Variants in CLK1 observed in about 807,000 individuals in gnomAD.
The protein encoded by CLK1 is CDC like kinase 1.
CLK1 carries 40 observed loss-of-function variants against 60.9 expected under a neutral mutation model. The ratio of observed to expected loss-of-function variants is 0.66; its 90% CI spans 0.51 to 0.86. CLK1 has a LOEUF of 0.86. Among genes scored for constraint, CLK1 ranks in the 40% least tolerant of loss-of-function variants. The pLI is 0.00. For synonymous variants in CLK1, 203 were observed against 184.4 expected (o/e 1.10, Z -0.82); for missense variants, 563 against 606.1 (o/e 0.93, Z 0.75).
intron 11 of CLK1, 122 bp from the exon 12 acceptor site, chr2:200,854,115 A>G: frequency 1.7e-6 from 1 of 605,718 alleles, no homozygotes; most frequent in South Asian, 2.1e-5. Flanking sequence ...CAGCCATGGG[A>G]TAGAAATGTT....
In CLK1 at chr2:200,856,784, G is replaced by A. The variant is rs568656038; in HGVS notation, c.955C>T (p.Pro319Ser). 6.2e-7 allele frequency: 1 copy of A among 1,613,596 alleles called. No homozygotes were observed. The highest frequency in any genetic ancestry group is 1.3e-5 in the African/African-American group (1 of 74,964). ...CCAAAGTCTACAACTTTAATATCTG[G>A]ATTTATTAAGGTGCGTTCATCACGT... The part of the protein sequence containing the change: ...IKRDERTLIN[P>S]DIKVVDFGSA... Residue 319 changes from proline to serine, a missense_variant, in exon 9 of 13, where the codon CCA becomes TCA. Coordinates refer to ENST00000321356, the MANE Select transcript of CLK1 (RefSeq NM_004071.4).
At chr2:200,861,614 T>C in intron 2 of CLK1, 88 bp downstream of exon 2, 1 of 1,562,616 alleles carries the variant, frequency 6.4e-7, no homozygotes, top group Admixed American at 1.9e-5. Flanking sequence ...AACAAACGAA[T>C]GGTAGTAATC....
chr2:200,858,377 G>A (rs972354829), intron 5 of CLK1, among the ~76,000 whole-genome samples: 3 of 152,192 alleles, frequency 2.0e-5, no homozygotes, highest in Non-Finnish European at 4.4e-5. Flanking sequence ...TGCCAAAAGA[G>A]TTAGGATACA....
chr2:200,864,069 C>T (rs950808704), intron 1 of CLK1: 4 of 1,541,918 alleles, frequency 2.6e-6, no homozygotes, highest in African/African-American at 2.8e-5. Flanking sequence ...TTAACTGTAA[C>T]CCCTACGGGT....
rs1481849122 is a variant in CLK1, at chr2:200,864,219, G to A, written c.-1+345C>T. 30 of 1,547,516 alleles carry A rather than the reference G, an allele frequency of 1.9e-5. No individual in the cohort carries two copies. In the East Asian group the frequency reaches 4.9e-4, roughly 25 times the overall value. On this transcript the variant is annotated intron_variant, in intron 1 of 12. Transcript: ENST00000321356. ...CAGGGCCGAAGCCGGCCTCCGCCCA[G>A]CCGCCATCTTACAGCTCCGCCGAGG...
At chr2:200,856,532 T>C (rs1014358094) in intron 9 of CLK1, 150 bp downstream of exon 9, 43 of 589,314 alleles carry the variant, frequency 7.3e-5, no homozygotes, top group African/African-American at 3.2e-4. Context: ...TCTGGTACAA[T>C]TGAGAGCTTA....
chr2:200,855,624 C>CA (rs879935281), intron 9 of CLK1, among the ~76,000 whole-genome samples: 2 of 147,900 alleles, frequency 1.4e-5, no homozygotes, highest in East Asian at 4.2e-4. Context: ...GACTCCGCCC[C>CA]CCCCCCAAAA....
intron 1 of CLK1, chr2:200,864,055 G>C (rs1046511131): frequency 4.6e-6 from 7 of 1,513,242 alleles, no homozygotes; most frequent in Non-Finnish European, 5.3e-6. Context: ...TTCATCATTA[G>C]ACATTAACTG....
intron 1 of CLK1, chr2:200,864,252 C>T (rs1368838203): frequency 6.6e-7 from 1 of 1,526,362 alleles, no homozygotes; most frequent in East Asian, 2.5e-5. Context: ...AGGCGGTTCA[C>T]AACATGGCGC....
intron 5 of CLK1, 37 bp downstream of exon 5, chr2:200,859,643 A>T: frequency 6.4e-7 from 1 of 1,572,714 alleles, no homozygotes; most frequent in Non-Finnish European, 8.7e-7. Context: ...CTGTATTGCC[A>T]ACTTCCCTAA....
At position 200,861,393 on chromosome 2, in the gene CLK1, C is replaced by A; in HGVS notation, c.235G>T (p.Asp79Tyr). The part of the protein sequence containing the change: ...SRRYIDEYRN[D>Y]YTQGCEPGHR... ...CCAGGTTCACATCCTTGAGTGTAGT[C>A]ATTTCTGTACTCATCAATGTAGCGT... The change falls in exon 3 of 13, where the codon GAC becomes TAC. Residue 79 changes from aspartate (D) to tyrosine (Y), a missense_variant. Coordinates refer to ENST00000321356, the MANE Select transcript of CLK1 (RefSeq NM_004071.4). 6.2e-7 allele frequency: 1 copy of A among 1,614,098 alleles called. No homozygotes were observed. Among genetic ancestry groups the A allele is most frequent in the South Asian group, 1.1e-5 (1 of 91,084 alleles).
intron 1 of CLK1, among the ~76,000 whole-genome samples, chr2:200,862,823 A>G (rs567646348): frequency 2.8e-4 from 43 of 152,252 alleles, no homozygotes; most frequent in Non-Finnish European, 4.7e-4. Context: ...TCATCATTAC[A>G]GAGCATTTCC....
chr2:200,860,727 A>C (rs1216984355), intron 3 of CLK1: 1 of 999,142 alleles, frequency 1.0e-6, no homozygotes, highest in African/African-American at 1.7e-5. Flanking sequence ...ACACTACGGC[A>C]TTTTTAATGT....
rs778944129 is a variant in CLK1 at position 200,854,742 on chromosome 2, A to C, written c.1141-47T>G. ...ACTTGGGGAAGATGACCACCAAAAC[A>C]GACACAGTTAAAGCTGACAGCAAAA... On this transcript the variant is annotated intron_variant, in intron 10 of 12. Transcript: ENST00000321356. 5 of 1,346,692 alleles carry C rather than the reference A, an allele frequency of 3.7e-6. No homozygotes were observed. In the East Asian group the frequency reaches 1.1e-4, roughly 31 times the overall value. 83.4% of individuals were successfully genotyped at this position (1,346,692 alleles called of 1,614,324 possible).
Position 200,855,074 on chromosome 2 carries a change from G to GACC in CLK1, c.1067_1069dup (p.Trp356dup). ...TATGCTCCAGACATCACATGGTTGG[G>GACC]ACCACCCTAGGGCTGCAAAGCAAAG... On this transcript the variant is annotated inframe_insertion, in exon 10 of 13. Coordinates refer to ENST00000321356, the MANE Select transcript of CLK1 (RefSeq NM_004071.4). 6.2e-7 allele frequency: 1 copy of GACC among 1,611,386 alleles called. No homozygotes were observed. Among genetic ancestry groups the GACC allele is most frequent in the Non-Finnish European group, 8.5e-7 (1 of 1,179,044 alleles).
intron 9 of CLK1, among the ~76,000 whole-genome samples, chr2:200,855,714 A>G (rs947553750): frequency 9.9e-5 from 15 of 151,600 alleles, no homozygotes; most frequent in Admixed American, 9.8e-4. Flanking sequence ...CCAAGGTTAA[A>G]TACAATATAT....
chr2:200,854,161 G>GA (rs1267264965), intron 11 of CLK1, 168 bp from the exon 12 acceptor site: 3 of 497,218 alleles, frequency 6.0e-6, no homozygotes, highest in Non-Finnish European at 1.1e-5. Context: ...CTATTTAACT[G>GA]AAAAAATATT....
At chr2:200,857,060 G>A (rs1016255498) in intron 7 of CLK1, 75 bp from the exon 8 acceptor site, 28 of 1,153,962 alleles carry the variant, frequency 2.4e-5, no homozygotes, top group Middle Eastern at 2.2e-4. Flanking sequence ...ACAACAGGCC[G>A]GGTGCAGTGG....
At position 200,864,033 on chromosome 2, in the gene CLK1, T is replaced by C. The variant is rs192320492; in HGVS notation, c.-1+531A>G. 5 of 1,468,978 alleles carry C rather than the reference T, an allele frequency of 3.4e-6. No homozygotes were observed. In the East Asian group the frequency reaches 1.4e-4, roughly 40 times the overall value. 91.0% of individuals were successfully genotyped at this position (1,468,978 alleles called of 1,614,324 possible). On this transcript the variant is annotated intron_variant, in intron 1 of 12. Coordinates refer to ENST00000321356, the MANE Select transcript of CLK1 (RefSeq NM_004071.4). Reference sequence around the variant, plus strand: ...TGAGGACAAAGCCACTCGCGATGTTTACGCCGACACTTTCATCATTAGACA... The same window carrying C: ...TGAGGACAAAGCCACTCGCGATGTTCACGCCGACACTTTCATCATTAGACA...
Sources: allele counts gnomAD v4.1 joint callset (sites outside exome capture counted in the v4.1 genomes callset), GRCh38; gene constraint gnomAD v4.1.1; transcripts MANE v1.5; gene names NCBI Gene and HGNC (gene_info 2026-07-23, HGNC 2026-07-21).